The following LBP variants were observed in gnomAD, a reference collection of about 807,000 sequenced individuals.
LBP encodes the protein lipopolysaccharide-binding protein.
Under a neutral mutation model 56.6 loss-of-function variants are expected in LBP, and 53 were observed. The ratio of observed to expected loss-of-function variants is 0.94; its 90% CI spans 0.75 to 1.18. The LOEUF (loss-of-function observed/expected upper bound fraction) is 1.18. Among genes scored for constraint, LBP ranks in the 50% most tolerant of loss-of-function variants. The pLI, the probability that LBP is intolerant of heterozygous loss-of-function variation, is 0.00. For synonymous variants in LBP, 227 were observed against 247.5 expected (o/e 0.92, Z 0.78); for missense variants, 601 against 598.3 (o/e 1.00, Z -0.05).
Position 38,370,054 on chromosome 20 carries a change from T to C in LBP, c.1150-684T>C, listed in dbSNP as rs2076895808. Reference sequence around the variant, plus strand: ...ATTGTTGTTATTGTTATCAAAAGTGTCATTATTAATATATTTTAAATTAAA... The same window carrying C: ...ATTGTTGTTATTGTTATCAAAAGTGCCATTATTAATATATTTTAAATTAAA... On this transcript the variant is annotated intron_variant, in intron 10 of 14. Coordinates refer to ENST00000217407, the MANE Select transcript of LBP (RefSeq NM_004139.5). Among the ~76,000 whole-genome samples, 3 of 152,078 alleles carry C rather than the reference T, an allele frequency of 2.0e-5. No homozygotes were observed. The South Asian group carries it at 6.2e-4, about 31-fold the overall frequency.
chr20:38,365,711 AAAAAAAATATAT>A (rs1450554431), intron 8 of LBP, among the ~76,000 whole-genome samples: 1,865 of 38,140 alleles, frequency 0.049, 8 homozygotes, highest in Middle Eastern at 0.12. Flanking sequence ...AAAAAAAAAA[AAAAAAAATATAT>A]ATATATATAT....
chr20:38,353,470 G>C (rs1228714084), intron 3 of LBP, among the ~76,000 whole-genome samples: 1 of 142,976 alleles, frequency 7.0e-6, no homozygotes, highest in African/African-American at 2.6e-5. Flanking sequence ...CGGACATGTA[G>C]GCTGCTTCCT....
chr20:38,373,849 G>A, intron 13 of LBP, 88 bp from the exon 14 acceptor site: 4 of 1,104,402 alleles, frequency 3.6e-6, no homozygotes, highest in Non-Finnish European at 5.5e-6. Flanking sequence ...ACTGAATATA[G>A]AGTTTGCAGA....
chr20:38,376,668 G>T lies in LBP; in HGVS notation c.1445G>T (p.Ter482LeuextTer5). 1 of 1,613,704 alleles carries T rather than the reference G, an allele frequency of 6.2e-7. No individual in the cohort carries two copies. The highest frequency in any genetic ancestry group is 8.5e-7 in the Non-Finnish European group (1 of 1,179,606). Reference protein sequence around the residue: ...LGANVQYMRV* With the variant: ...LGANVQYMRVL The stretch of plus-strand genomic sequence containing the variant: ...GCCAATGTCCAATACATGAGAGTTT[G>T]AGGACAAGAAAGATGAAGCTTGGAG... Residue 482 changes from the stop codon to leucine (L), a stop_lost, in exon 15 of 15, where the codon TGA becomes TTA. Coordinates refer to ENST00000217407, the MANE Select transcript of LBP (RefSeq NM_004139.5).
intron 6 of LBP, among the ~76,000 whole-genome samples, 198 bp from the exon 7 acceptor site, chr20:38,363,776 CA>C (rs2076870246): frequency 6.6e-6 from 1 of 152,118 alleles, no homozygotes; most frequent in Admixed American, 6.5e-5. Context: ...GCTGAGCATA[CA>C]CCCCCACCAT....
chr20:38,370,666 C>G, intron 10 of LBP, 72 bp from the exon 11 acceptor site: 1 of 1,348,134 alleles, frequency 7.4e-7, no homozygotes, highest in Non-Finnish European at 1.1e-6. Flanking sequence ...GACAGTTGGT[C>G]CCTCGTCATC....
At chr20:38,366,323 T>C (rs1194377734) in intron 8 of LBP, among the ~76,000 whole-genome samples, 8 of 152,198 alleles carry the variant, frequency 5.3e-5, no homozygotes, top group Non-Finnish European at 1.2e-4. Flanking sequence ...TTCAATGGGA[T>C]GATAATAGCT....
intron 11 of LBP, among the ~76,000 whole-genome samples, 164 bp from the exon 12 acceptor site, chr20:38,371,116 T>C (rs891399489): frequency 3.9e-5 from 6 of 152,208 alleles, no homozygotes; most frequent in Non-Finnish European, 7.3e-5. Flanking sequence ...CCGATGTCAT[T>C]GTATCACTGC....
At chr20:38,369,260 C>T in intron 10 of LBP, 98 bp downstream of exon 10, 1 of 1,196,066 alleles carries the variant, frequency 8.4e-7, no homozygotes, top group Non-Finnish European at 1.2e-6. Context: ...CTGGGTAATT[C>T]CTCCAGGTCT....
At chr20:38,371,714 C>T (rs1178923685) in intron 12 of LBP, among the ~76,000 whole-genome samples, 1 of 152,224 alleles carries the variant, frequency 6.6e-6, no homozygotes, top group African/African-American at 2.4e-5. Flanking sequence ...CTCTCTCCAT[C>T]TCTCTGTTCT....
chr20:38,346,551 T>C lies in LBP; in HGVS notation c.35T>C (p.Leu12Pro). 1 of 1,613,804 alleles carries C rather than the reference T, an allele frequency of 6.2e-7. No individual in the cohort carries two copies. The highest frequency in any genetic ancestry group is 1.1e-5 in the South Asian group (1 of 91,086). The change falls in exon 1 of 15, where the codon CTG (leucine) becomes CCG (proline). Residue 12 changes from leucine (L) to proline (P), a missense_variant. By Grantham distance (98) the Leu-to-Pro change is moderately conservative. Transcript: ENST00000217407. ...TTGGCCAGAGCCCTGCCGTCCATACTGCTGGCATTGCTGCTTACGTCCACC... is the reference window on the plus strand; with the variant it reads ...TTGGCCAGAGCCCTGCCGTCCATACCGCTGGCATTGCTGCTTACGTCCACC... ...GALARALPSI[L>P]LALLLTSTPE... is the part of the protein sequence containing the mutation.
intron 2 of LBP, 101 bp downstream of exon 2, chr20:38,349,763 G>A (rs925265892): frequency 5.9e-6 from 5 of 853,386 alleles, no homozygotes; most frequent in Admixed American, 2.6e-5. Context: ...GGGCTGTGGG[G>A]GGACCTCTCC....
intron 14 of LBP, among the ~76,000 whole-genome samples, chr20:38,375,383 C>G (rs186777905): frequency 6.6e-6 from 1 of 151,696 alleles, no homozygotes; most frequent in Non-Finnish European, 1.5e-5. Context: ...AAGTTTGAGA[C>G]CAGCCTGGCC....
At chr20:38,363,936 G>A in intron 6 of LBP, 39 bp from the exon 7 acceptor site, 1 of 1,447,188 alleles carries the variant, frequency 6.9e-7, no homozygotes, top group Middle Eastern at 1.7e-4. Context: ...AGCTGAAAGT[G>A]TCATCTGGCC....
At chr20:38,373,177 T>C (rs902060864) in intron 13 of LBP, 42 bp downstream of exon 13, 15 of 1,533,978 alleles carry the variant, frequency 9.8e-6, no homozygotes, top group Admixed American at 1.7e-5. Flanking sequence ...AAGTGAACAC[T>C]GCTGTCTGGA....
chr20:38,346,683 T>C, intron 1 of LBP, 43 bp downstream of exon 1: 1 of 1,609,812 alleles, frequency 6.2e-7, no homozygotes, highest in Non-Finnish European at 8.5e-7. Flanking sequence ...AAACCCACGC[T>C]CCAGGCTGCT....
At chr20:38,371,538 A>C (rs1018734451) in intron 12 of LBP, among the ~76,000 whole-genome samples, 3 of 152,246 alleles carry the variant, frequency 2.0e-5, no homozygotes, top group Non-Finnish European at 1.5e-5. Flanking sequence ...TCTACTGAAC[A>C]GAATTCTCTT....
intron 12 of LBP, 89 bp downstream of exon 12, chr20:38,371,411 T>A: frequency 2.0e-6 from 2 of 996,476 alleles, no homozygotes; most frequent in Non-Finnish European, 3.1e-6. Context: ...TAATAGGAAA[T>A]ACAAAAGGAG....
chr20:38,375,038 A>T (rs1368042613), intron 14 of LBP, among the ~76,000 whole-genome samples: 1 of 149,158 alleles, frequency 6.7e-6, no homozygotes, highest in African/African-American at 2.5e-5. Context: ...CTCAAGTGAT[A>T]TGCTCACCTC....
Sources: gnomAD v4.1 joint callset for allele counts (sites outside exome capture counted in the v4.1 genomes callset) on GRCh38, gnomAD v4.1.1 for gene constraint, MANE v1.5 for transcripts, NCBI Gene and HGNC (gene_info 2026-07-23, HGNC 2026-07-21) for gene names.